KAZN: variants seen among roughly 807,000 people sequenced by gnomAD.
KAZN encodes the protein kazrin, periplakin interacting protein.
Under a neutral mutation model 87.4 loss-of-function variants are expected in KAZN, and 40 were observed. The ratio of observed to expected loss-of-function variants is 0.46; its 90% CI spans 0.36 to 0.60. The LOEUF (loss-of-function observed/expected upper bound fraction) is 0.60. Ranked by LOEUF, KAZN falls within the 20% of genes least tolerant of loss-of-function variation. The pLI is 0.00. For synonymous variants in KAZN, 466 were observed against 458.3 expected, an observed-to-expected ratio of 1.02 and a Z score of -0.22; for missense variants, 898 against 1,073.9, an observed-to-expected ratio of 0.84 and a Z score of 2.29.
chr1:14,460,821 G>C (rs1667815273), intron 2 of KAZN, among the ~76,000 whole-genome samples: 1 of 152,182 alleles, frequency 6.6e-6, no homozygotes, highest in Non-Finnish European at 1.5e-5. Context: ...ATTTTAGCAA[G>C]TGTGATCTAA....
intron 4 of KAZN, among the ~76,000 whole-genome samples, chr1:15,049,896 C>T (rs1204843488): frequency 2.6e-5 from 4 of 151,980 alleles, no homozygotes; most frequent in Admixed American, 1.3e-4. Flanking sequence ...TGATGGCAGG[C>T]GCCTGTAATC....
chr1:14,919,208 G>A (rs1427357301), intron 1 of KAZN, among the ~76,000 whole-genome samples: 5 of 152,102 alleles, frequency 3.3e-5, no homozygotes, highest in African/African-American at 1.2e-4. Flanking sequence ...AGACAGTCTC[G>A]CTCTGTTGGC....
chr1:13,988,432 A>T (rs1475160106), intron 1 of KAZN, among the ~76,000 whole-genome samples: 2 of 152,180 alleles, frequency 1.3e-5, no homozygotes, highest in Non-Finnish European at 2.9e-5. Flanking sequence ...GCAATTTTCC[A>T]AGAGACCTAG....
intron 1 of KAZN, among the ~76,000 whole-genome samples, chr1:13,896,346 G>C (rs1639043168): frequency 6.6e-6 from 1 of 152,200 alleles, no homozygotes; most frequent in South Asian, 2.1e-4. Context: ...CTGTAGTGCA[G>C]TGGCATGATC....
At chr1:15,034,243 G>A (rs934393398) in intron 2 of KAZN, among the ~76,000 whole-genome samples, 3 of 152,078 alleles carry the variant, frequency 2.0e-5, no homozygotes, top group Admixed American at 2.0e-4. Flanking sequence ...ATTTTCTTTT[G>A]TTGCTCTACA....
At chr1:14,352,753 T>C (rs1557657344) in intron 2 of KAZN, among the ~76,000 whole-genome samples, 1 of 152,112 alleles carries the variant, frequency 6.6e-6, no homozygotes, top group East Asian at 1.9e-4. Flanking sequence ...AAATGAAAAA[T>C]TGCATCCAAA....
At chr1:15,038,095 A>T (rs1171606056) in intron 3 of KAZN, among the ~76,000 whole-genome samples, 1 of 152,132 alleles carries the variant, frequency 6.6e-6, no homozygotes, top group East Asian at 1.9e-4. Flanking sequence ...TCTACAAAAA[A>T]TTTTAAAAAT....
intron 2 of KAZN, among the ~76,000 whole-genome samples, chr1:14,239,865 T>A (rs1648786411): frequency 6.6e-6 from 1 of 152,110 alleles, no homozygotes; most frequent in African/African-American, 2.4e-5. Flanking sequence ...GAAGAGATGG[T>A]GCTGCTGGCA....
At chr1:14,076,650 C>T (rs1162631782) in intron 1 of KAZN, among the ~76,000 whole-genome samples, 1 of 152,176 alleles carries the variant, frequency 6.6e-6, no homozygotes, top group African/African-American at 2.4e-5. Flanking sequence ...CAGGGCAAAA[C>T]CACCCCTGCT....
intron 1 of KAZN, among the ~76,000 whole-genome samples, chr1:14,896,029 T>C (rs942277103): frequency 2.1e-5 from 3 of 145,110 alleles, no homozygotes; most frequent in African/African-American, 7.8e-5. Context: ...TAAGTACAAA[T>C]GAAAAAGACG....
intron 1 of KAZN, among the ~76,000 whole-genome samples, chr1:14,848,361 A>G (rs1649025398): frequency 6.6e-6 from 1 of 152,174 alleles, no homozygotes; most frequent in Non-Finnish European, 1.5e-5. Context: ...CCTGAGTTCT[A>G]TCTCTCTGAG....
chr1:14,679,225 G>A (rs1011394499), intron 1 of KAZN, among the ~76,000 whole-genome samples: 1 of 152,146 alleles, frequency 6.6e-6, no homozygotes, highest in African/African-American at 2.4e-5. Flanking sequence ...GAAGTACCAG[G>A]GTCGGTTAGC....
chr1:15,102,137 A>G (rs1573308174), intron 11 of KAZN, among the ~76,000 whole-genome samples: 1 of 152,144 alleles, frequency 6.6e-6, no homozygotes, highest in African/African-American at 2.4e-5. Context: ...ATTGTGGGAG[A>G]TTGTCCCAGT....
intron 2 of KAZN, among the ~76,000 whole-genome samples, chr1:14,476,785 G>A (rs1298376571): frequency 6.6e-6 from 1 of 152,122 alleles, no homozygotes; most frequent in Admixed American, 6.6e-5. Context: ...CAAATTCTTT[G>A]CTGCACCCAC....
chr1:14,073,288 A>G, intron 1 of KAZN, among the ~76,000 whole-genome samples: 1 of 152,228 alleles, frequency 6.6e-6, no homozygotes, highest in East Asian at 1.9e-4. Context: ...CAGTGGCCAC[A>G]AACTCTAGTG....
intron 2 of KAZN, among the ~76,000 whole-genome samples, chr1:14,579,866 A>G (rs1056909421): frequency 2.6e-5 from 4 of 151,938 alleles, no homozygotes; most frequent in African/African-American, 9.7e-5. Context: ...ATGTGCTGGT[A>G]TTAATAAGCG....
At chr1:15,065,574 A>G (rs1639159026) in intron 7 of KAZN, 56 bp from the exon 8 acceptor site, 2 of 1,473,358 alleles carry the variant, frequency 1.4e-6, no homozygotes, top group African/African-American at 1.4e-5. Context: ...CACCCCAGCT[A>G]AGCTTGGCTT....
At chr1:14,873,335 A>G (rs1437796201) in intron 1 of KAZN, among the ~76,000 whole-genome samples, 2 of 152,274 alleles carry the variant, frequency 1.3e-5, no homozygotes, top group African/African-American at 4.8e-5. Flanking sequence ...GAAAACAAAT[A>G]GCATAAAGAA....
chr1:14,602,581 C>T (rs1677064569), intron 1 of KAZN, among the ~76,000 whole-genome samples: 1 of 152,188 alleles, frequency 6.6e-6, no homozygotes, highest in African/African-American at 2.4e-5. Context: ...TTTTCCTCAG[C>T]ATAACATCTC....
Sources: gnomAD v4.1 joint callset for allele counts (sites outside exome capture counted in the v4.1 genomes callset) on GRCh38, gnomAD v4.1.1 for gene constraint, MANE v1.5 for transcripts, NCBI Gene and HGNC (gene_info 2026-07-23, HGNC 2026-07-21) for gene names.